The following KPNA6 variants were observed in gnomAD, a reference collection of about 807,000 sequenced individuals.
The protein encoded by KPNA6 is importin subunit alpha-7.
A neutral mutation model predicts 72.0 loss-of-function variants in KPNA6; 9 were observed. The ratio of observed to expected loss-of-function variants is 0.13; its 90% confidence interval spans 0.08 to 0.22. KPNA6 has a LOEUF of 0.22. Among genes scored for constraint, KPNA6 ranks in the 10% least tolerant of loss-of-function variants. The pLI is 1.00. For synonymous variants in KPNA6, 219 were observed against 242.1 expected, an observed-to-expected ratio of 0.90 and a Z score of 0.89; for missense variants, 374 against 655.7, an observed-to-expected ratio of 0.57 and a Z score of 4.69.
At chr1:32,140,989 G>A (rs1227809996) in intron 1 of KPNA6, among the ~76,000 whole-genome samples, 1 of 152,260 alleles carries the variant, frequency 6.6e-6, no homozygotes, top group East Asian at 1.9e-4. Flanking sequence ...TGTATTGTGG[G>A]TTATCTTCTC....
At position 32,116,650 on chromosome 1, in the gene KPNA6, CA is replaced by C. The variant is rs1047508727; in HGVS notation, c.4+8525del. Among the ~76,000 whole-genome samples, 308 of 150,840 alleles carry C rather than the reference CA, an allele frequency of 2.0e-3. 1 individual carries two copies. The highest frequency in any genetic ancestry group is 6.9e-3 in the African/African-American group (284 of 41,214). ...TCCAGACTTGGAAACTCCTTCACAACAAAAAAAAAGAACTTTTCCTTTGCAT... is the reference window on the plus strand; with the variant it reads ...TCCAGACTTGGAAACTCCTTCACAACAAAAAAAAGAACTTTTCCTTTGCAT... On this transcript the variant is annotated intron_variant, in intron 1 of 13. Coordinates refer to ENST00000373625, the MANE Select transcript of KPNA6 (RefSeq NM_012316.5).
intron 1 of KPNA6, among the ~76,000 whole-genome samples, chr1:32,128,645 G>T (rs2124533177): frequency 6.6e-6 from 1 of 151,830 alleles, no homozygotes; most frequent in South Asian, 2.1e-4. Context: ...GTCCCATTGT[G>T]GACTGACCCA....
In KPNA6 at chr1:32,167,263, A is replaced by G. The variant is rs776700683; in HGVS notation, c.1211A>G (p.Asn404Ser). Reference sequence around the variant, plus strand: ...AAAGAGGCAGCCTGGGCCATCACCAATGCCACATCAGGAGGAACCCCTGAG... The same window carrying G: ...AAAGAGGCAGCCTGGGCCATCACCAGTGCCACATCAGGAGGAACCCCTGAG... Reference protein sequence around the residue: ...TRKEAAWAITNATSGGTPEQI... With the variant: ...TRKEAAWAITSATSGGTPEQI... Residue 404 changes from asparagine to serine, a missense_variant, in exon 12 of 14, where the codon AAT becomes AGT. Physicochemically the swap from Asn to Ser is conservative, Grantham distance 46. Around this residue, in one of 3 missense-constraint regions of KPNA6, gnomAD observed 298 missense variants for 495.4 expected, o/e 0.60. Coordinates refer to ENST00000373625, the MANE Select transcript of KPNA6 (RefSeq NM_012316.5). 4 of 1,613,942 alleles carry G rather than the reference A, an allele frequency of 2.5e-6. No individual in the cohort carries two copies. Among genetic ancestry groups the G allele is most frequent in the African/African-American group, 1.3e-5 (1 of 74,910 alleles).
intron 1 of KPNA6, among the ~76,000 whole-genome samples, chr1:32,126,261 G>A (rs1020480680): frequency 6.6e-6 from 1 of 151,784 alleles, no homozygotes; most frequent in Non-Finnish European, 1.5e-5. Flanking sequence ...ATAAGGAACC[G>A]GTTTATGGAG....
intron 1 of KPNA6, among the ~76,000 whole-genome samples, chr1:32,126,701 A>G (rs542279509): frequency 6.6e-6 from 1 of 152,224 alleles, no homozygotes; most frequent in African/African-American, 2.4e-5. Flanking sequence ...CAATATTTAA[A>G]TCACCCAAGA....
chr1:32,166,042 A>AG (rs1642331380), intron 10 of KPNA6, 63 bp from the exon 11 acceptor site: 1 of 1,534,578 alleles, frequency 6.5e-7, no homozygotes. Flanking sequence ...ACAACAAAAA[A>AG]ACATAAAAAA....
intron 12 of KPNA6, among the ~76,000 whole-genome samples, chr1:32,167,711 C>T (rs936965891): frequency 6.6e-5 from 10 of 151,928 alleles, no homozygotes; most frequent in Non-Finnish European, 1.2e-4. Flanking sequence ...CTACGAAAGA[C>T]AAAAATTAGC....
intron 1 of KPNA6, among the ~76,000 whole-genome samples, chr1:32,126,176 G>A (rs1031606270): frequency 4.0e-5 from 6 of 151,790 alleles, no homozygotes; most frequent in South Asian, 2.1e-4. Flanking sequence ...ATGAGCCATC[G>A]TGCCTGGCCC....
rs1327865800 is a variant in KPNA6, at chr1:32,162,379, G to T, written c.766G>T (p.Val256Leu). 2 of 1,605,592 alleles carry T rather than the reference G, an allele frequency of 1.2e-6. No individual in the cohort carries two copies. Among genetic ancestry groups the T allele is most frequent in the Non-Finnish European group, 8.5e-7 (1 of 1,176,172 alleles). The change falls in exon 9 of 14, where the codon GTA (valine) becomes TTA (leucine). Residue 256 changes from valine (V) to leucine (L), a missense_variant. By Grantham distance (32) the Val-to-Leu change is conservative. This residue lies in a region of KPNA6 where 298 missense variants were observed against 495.4 expected (regional missense o/e 0.60). Coordinates refer to ENST00000373625, the MANE Select transcript of KPNA6 (RefSeq NM_012316.5). The part of the protein sequence containing the change: ...EFAKVSPCLP[V>L]LSRLLFSSDS... ...CCCACAGGTCTCTCCTTGTTTGCCT[G>T]TACTGTCTCGCCTACTCTTCAGCAG... is the stretch of plus-strand genomic sequence containing the variant.
rs149299526 is a variant in KPNA6 at position 32,160,843 on chromosome 1, A to G, written c.647+140A>G. On this transcript the variant is annotated intron_variant, in intron 7 of 13. Coordinates refer to ENST00000373625, the MANE Select transcript of KPNA6 (RefSeq NM_012316.5). ...AATGCATTCTGATTGCCAAAGTAAA[A>G]GATAGGTATCTTTGGAGATTGAGAA... 7 of 649,874 alleles carry G rather than the reference A, an allele frequency of 1.1e-5. No homozygotes were observed. In the East Asian group the frequency reaches 2.0e-4, roughly 19 times the overall value. The allele number at this position is 649,874 out of a possible 1,614,324, so 40.3% of individuals were successfully genotyped here. A position where few individuals can be genotyped will look rare whatever the true frequency, so the allele number is the denominator to read the frequency against.
intron 1 of KPNA6, among the ~76,000 whole-genome samples, chr1:32,117,424 G>C (rs184753064): frequency 2.0e-5 from 3 of 151,662 alleles, no homozygotes; most frequent in Admixed American, 2.0e-4. Context: ...CACCCGCCTC[G>C]GCCTCCCAAA....
At chr1:32,115,355 G>T (rs545193426) in intron 1 of KPNA6, among the ~76,000 whole-genome samples, 1 of 151,872 alleles carries the variant, frequency 6.6e-6, no homozygotes, top group Non-Finnish European at 1.5e-5. Flanking sequence ...AGCCAGGATG[G>T]TCTCGATCTC....
chr1:32,110,056 A>ATTTT (rs750004100), intron 1 of KPNA6, among the ~76,000 whole-genome samples: 10 of 118,308 alleles, frequency 8.5e-5, no homozygotes, highest in South Asian at 2.8e-4. Flanking sequence ...CTGGAATTGA[A>ATTTT]TTTTTTTTTT....
intron 1 of KPNA6, among the ~76,000 whole-genome samples, chr1:32,113,600 G>C (rs570148807): frequency 3.2e-4 from 48 of 152,198 alleles, no homozygotes; most frequent in African/African-American, 1.1e-3. Context: ...CTACAGGCAT[G>C]CACCACCATG....
At chr1:32,150,213 ACCT>A (rs1642004763) in intron 1 of KPNA6, among the ~76,000 whole-genome samples, 2 of 144,644 alleles carry the variant, frequency 1.4e-5, no homozygotes, top group African/African-American at 5.1e-5. Flanking sequence ...GCTCACTGCA[ACCT>A]CCGCCTCCCG....
At chr1:32,124,650 G>A (rs1302363322) in intron 1 of KPNA6, among the ~76,000 whole-genome samples, 1 of 151,378 alleles carries the variant, frequency 6.6e-6, no homozygotes. Flanking sequence ...GGGATTACAG[G>A]CCCCCGCCAC....
chr1:32,166,008 AC>A (rs373011179), intron 10 of KPNA6, 96 bp from the exon 11 acceptor site: 75,827 of 1,358,914 alleles, frequency 0.056, 2,793 homozygotes, highest in South Asian at 0.16. Flanking sequence ...AAAAAAAAAA[AC>A]AAAAACAACA....
chr1:32,112,955 C>T (rs1353971331), intron 1 of KPNA6, among the ~76,000 whole-genome samples: 1 of 152,140 alleles, frequency 6.6e-6, no homozygotes, highest in Non-Finnish European at 1.5e-5. Flanking sequence ...TGAAATTTGC[C>T]ACATCAATTG....
intron 1 of KPNA6, among the ~76,000 whole-genome samples, chr1:32,125,997 A>AAC (rs1467928646): frequency 1.3e-5 from 2 of 151,496 alleles, no homozygotes; most frequent in South Asian, 4.1e-4. Context: ...AAAAAAAAAA[A>AAC]AAAACCTGTC....
Sources: gnomAD v4.1 joint callset for allele counts (sites outside exome capture counted in the v4.1 genomes callset) on GRCh38, gnomAD v4.1.1 for gene constraint, gnomAD v4.1.1 regional missense constraint, MANE v1.5 for transcripts, NCBI Gene and HGNC (gene_info 2026-07-23, HGNC 2026-07-21) for gene names.